WIPF3: variants seen among roughly 807,000 people sequenced by gnomAD.
The protein encoded by WIPF3 is WAS/WASL interacting protein family member 3.
In WIPF3, 33 loss-of-function variants were observed where a neutral mutation model predicts 38.9. That is an observed-to-expected ratio of 0.85 (90% CI 0.64 to 1.14). The LOEUF is 1.14. WIPF3 is among the 50% of genes most tolerant of loss of function. WIPF3 has a pLI of 0.00. For missense variants in WIPF3, 711 were observed against 652.5 expected, an observed-to-expected ratio of 1.09 and a Z score of -0.98; for synonymous variants, 324 against 269.3, an observed-to-expected ratio of 1.20 and a Z score of -1.99.
Position 29,884,343 on chromosome 7 carries a change from G to T in WIPF3, c.849G>T (p.Ala283=). 7.0e-7 allele frequency: 1 copy of T among 1,429,918 alleles called. No individual in the cohort carries two copies. Among genetic ancestry groups the T allele is most frequent in the Non-Finnish European group, 9.3e-7 (1 of 1,079,436 alleles). The allele number at this position is 1,429,918 out of a possible 1,614,324, so 88.6% of individuals were successfully genotyped here. A position where few individuals can be genotyped will look rare whatever the true frequency, so the allele number is the denominator to read the frequency against. Residue 283 remains alanine, a synonymous_variant, in exon 5 of 9, where the codon GCG becomes GCT. Coordinates refer to ENST00000242140, the MANE Select transcript of WIPF3 (RefSeq NM_001080529.3). ...PGLKAEPASP[A]QDAQEPPAPP... is the part of the protein sequence containing the mutation. Reference sequence around the variant, plus strand: ...TCAAAGCGGAGCCCGCCAGCCCTGCGCAAGATGCGCAGGAGCCTCCCGCCC... The same window carrying T: ...TCAAAGCGGAGCCCGCCAGCCCTGCTCAAGATGCGCAGGAGCCTCCCGCCC...
chr7:29,852,448 A>G (rs1447859021), intron 2 of WIPF3, among the ~76,000 whole-genome samples: 1 of 152,264 alleles, frequency 6.6e-6, no homozygotes, highest in African/African-American at 2.4e-5. Flanking sequence ...AACTCTTTAA[A>G]ATACAAAATC....
intron 8 of WIPF3, among the ~76,000 whole-genome samples, chr7:29,908,065 G>A (rs1329769159): frequency 6.6e-6 from 1 of 152,132 alleles, no homozygotes; most frequent in East Asian, 1.9e-4. Context: ...ACAGAGATTG[G>A]CAGAATGGAT....
At chr7:29,910,277 A>C (rs1786481557) in intron 8 of WIPF3, among the ~76,000 whole-genome samples, 1 of 152,214 alleles carries the variant, frequency 6.6e-6, no homozygotes, top group African/African-American at 2.4e-5. Flanking sequence ...AGGACATTTA[A>C]CCATTAATCA....
chr7:29,905,133 G>C (rs891954912), intron 8 of WIPF3: 25 of 152,226 alleles, frequency 1.6e-4, no homozygotes, highest in African/African-American at 6.0e-4. Flanking sequence ...TGAGAAGGAA[G>C]AGGCTAGGTT....
In WIPF3 at chr7:29,915,073, G is replaced by C. The variant is rs1212529748; in HGVS notation, c.*557G>C. 4 of 136,550 alleles carry C rather than the reference G, an allele frequency of 2.9e-5. No homozygotes were observed. Among genetic ancestry groups the C allele is most frequent in the Non-Finnish European group, 6.1e-5 (4 of 65,800 alleles). 8.5% of individuals were successfully genotyped at this position (136,550 alleles called of 1,614,324 possible). ...TGTCTCGCTTCCATTTTGCAGTACA[G>C]GGAATTTTTTTTTTTTTTTTTTTTT... On this transcript the variant is annotated 3_prime_UTR_variant, in exon 9 of 9. Coordinates refer to ENST00000242140, the MANE Select transcript of WIPF3 (RefSeq NM_001080529.3).
In WIPF3 at chr7:29,884,378, C is replaced by T. The variant is rs998609480; in HGVS notation, c.884C>T (p.Pro295Leu). 1 of 1,459,582 alleles carries T rather than the reference C, an allele frequency of 6.9e-7. No individual in the cohort carries two copies. Among genetic ancestry groups the T allele is most frequent in the Non-Finnish European group, 9.1e-7 (1 of 1,098,084 alleles). 90.4% of individuals were successfully genotyped at this position (1,459,582 alleles called of 1,614,324 possible). A position where few individuals can be genotyped will look rare whatever the true frequency, so the allele number is the denominator to read the frequency against. The change falls in exon 5 of 9, where the codon CCG becomes CTG. Residue 295 changes from proline (P) to leucine (L), a missense_variant. Transcript: ENST00000242140. The part of the protein sequence containing the change: ...DAQEPPAPPP[P>L]LPPYASCSPR... Reference sequence around the variant, plus strand: ...CAGGAGCCTCCCGCCCCGCCGCCCCCGCTCCCCCCTTATGCTTCTTGCTCC... The same window carrying T: ...CAGGAGCCTCCCGCCCCGCCGCCCCTGCTCCCCCCTTATGCTTCTTGCTCC...
In WIPF3 at chr7:29,916,591, T is replaced by C. The variant is rs1786620434; in HGVS notation, c.*2075T>C. On this transcript the variant is annotated 3_prime_UTR_variant, in exon 9 of 9. Coordinates refer to ENST00000242140, the MANE Select transcript of WIPF3 (RefSeq NM_001080529.3). ...AGCCAGGCATGGTGGCTCACACCTG[T>C]AATCCCAGCAACTTGGGAGGTTCAG... The C allele has an allele frequency of 6.6e-6, 1 of 152,154 alleles. No individual in the cohort carries two copies. The highest frequency in any genetic ancestry group is 1.5e-5 in the Non-Finnish European group (1 of 68,100). The allele number at this position is 152,154 out of a possible 1,614,324, so 9.4% of individuals were successfully genotyped here. A position where few individuals can be genotyped will look rare whatever the true frequency, so the allele number is the denominator to read the frequency against.
intron 7 of WIPF3, among the ~76,000 whole-genome samples, chr7:29,892,088 T>C (rs913045587): frequency 6.6e-6 from 1 of 152,196 alleles, no homozygotes; most frequent in Non-Finnish European, 1.5e-5. Context: ...ATCAGCTCGA[T>C]AAAAACCTAA....
rs913822043 is a variant in WIPF3, at chr7:29,872,860, G to C, written c.91-2970G>C. On this transcript the variant is annotated intron_variant, in intron 2 of 8. Transcript: ENST00000242140. ...GAGAGACCTCTAGCGGGAGATCATC[G>C]GGGCGCTCATCAGGGCCGACACTGG... Among the ~76,000 whole-genome samples, 7 of 147,282 alleles carry C rather than the reference G, an allele frequency of 4.8e-5. No homozygotes were observed. The East Asian group carries it at 9.8e-4, about 21-fold the overall frequency.
intron 1 of WIPF3, among the ~76,000 whole-genome samples, chr7:29,813,727 T>C (rs1784415930): frequency 6.6e-6 from 1 of 152,118 alleles, no homozygotes; most frequent in Non-Finnish European, 1.5e-5. Context: ...ATTTCAGTGG[T>C]TTTTAGAATT....
intron 1 of WIPF3, among the ~76,000 whole-genome samples, chr7:29,817,321 G>A (rs1480697000): frequency 6.6e-6 from 1 of 151,994 alleles, no homozygotes; most frequent in African/African-American, 2.4e-5. Flanking sequence ...CCTGCAATTT[G>A]TAGTATGACT....
chr7:29,901,545 C>A (rs1186492773), intron 7 of WIPF3, among the ~76,000 whole-genome samples: 2 of 151,852 alleles, frequency 1.3e-5, no homozygotes, highest in Non-Finnish European at 2.9e-5. Context: ...AATCCCGACA[C>A]TTTGGGAGGC....
At chr7:29,899,994 A>G (rs781504173) in intron 7 of WIPF3, among the ~76,000 whole-genome samples, 6 of 152,084 alleles carry the variant, frequency 3.9e-5, no homozygotes, top group African/African-American at 1.2e-4. Flanking sequence ...CTCGAGTACA[A>G]TGGTGCAATC....
At chr7:29,874,876 A>C (rs1785559020) in intron 2 of WIPF3, among the ~76,000 whole-genome samples, 1 of 152,208 alleles carries the variant, frequency 6.6e-6, no homozygotes, top group African/African-American at 2.4e-5. Context: ...GCAGTCCATC[A>C]GACACTTATC....
intron 7 of WIPF3, among the ~76,000 whole-genome samples, chr7:29,904,032 T>TGGG (rs1190425282): frequency 6.6e-6 from 1 of 152,174 alleles, no homozygotes; most frequent in Non-Finnish European, 1.5e-5. Flanking sequence ...ATGGTATATT[T>TGGG]GGGTAAAGAA....
At position 29,884,367 on chromosome 7, in the gene WIPF3, C is replaced by G. The variant is rs1785815620; in HGVS notation, c.873C>G (p.Ala291=). 2.7e-6 allele frequency: 4 copies of G among 1,455,646 alleles called. No homozygotes were observed. The highest frequency in any genetic ancestry group is 3.6e-6 in the Non-Finnish European group (4 of 1,098,894). The allele number at this position is 1,455,646 out of a possible 1,614,324, so 90.2% of individuals were successfully genotyped here. ...SPAQDAQEPP[A]PPPPLPPYAS... Reference sequence around the variant, plus strand: ...CGCAAGATGCGCAGGAGCCTCCCGCCCCGCCGCCCCCGCTCCCCCCTTATG... The same window carrying G: ...CGCAAGATGCGCAGGAGCCTCCCGCGCCGCCGCCCCCGCTCCCCCCTTATG... Residue 291 remains alanine (A), a synonymous_variant, in exon 5 of 9, where the codon GCC becomes GCG. Coordinates refer to ENST00000242140, the MANE Select transcript of WIPF3 (RefSeq NM_001080529.3).
chr7:29,850,531 G>A (rs1785076675), intron 2 of WIPF3, among the ~76,000 whole-genome samples: 1 of 152,210 alleles, frequency 6.6e-6, no homozygotes, highest in Admixed American at 6.5e-5. Context: ...GGTTCTTTGT[G>A]GTTACACAGG....
chr7:29,863,547 T>C (rs1583608285), intron 2 of WIPF3, among the ~76,000 whole-genome samples: 1 of 152,246 alleles, frequency 6.6e-6, no homozygotes, highest in East Asian at 1.9e-4. Context: ...ATTTTGATGA[T>C]TCTAGTTCCT....
At chr7:29,864,173 T>A (rs1018220166) in intron 2 of WIPF3, among the ~76,000 whole-genome samples, 8 of 152,210 alleles carry the variant, frequency 5.3e-5, no homozygotes, top group Non-Finnish European at 1.2e-4. Context: ...TTTATTTTTT[T>A]AAATCAGGTT....
Sources: gnomAD v4.1 joint callset for allele counts (sites outside exome capture counted in the v4.1 genomes callset) on GRCh38, gnomAD v4.1.1 for gene constraint, MANE v1.5 for transcripts, NCBI Gene and HGNC (gene_info 2026-07-23, HGNC 2026-07-21) for gene names.